The following ARRDC3 variants were observed in gnomAD, a reference collection of about 807,000 sequenced individuals.
The protein encoded by ARRDC3 is arrestin domain-containing protein 3.
ARRDC3 carries 10 observed loss-of-function variants against 47.2 expected under a neutral mutation model. The observed-to-expected ratio is 0.21, with a 90% CI of 0.13 to 0.36. The LOEUF (loss-of-function observed/expected upper bound fraction) is 0.36, where lower values mean the gene tolerates loss of function less well. ARRDC3 is among the 10% of genes least tolerant of loss of function. The probability of loss-of-function intolerance (pLI) is 1.00; values close to 1 mark genes in which losing one functional copy is unlikely to be tolerated. For synonymous variants in ARRDC3, 156 were observed against 178.3 expected (o/e 0.87, Z 1.00); for missense variants, 381 against 503.6 (o/e 0.76, Z 2.33).
intron 6 of ARRDC3, 86 bp from the exon 7 acceptor site, chr5:91,373,924 T>G: frequency 6.4e-7 from 1 of 1,551,240 alleles, no homozygotes; most frequent in Non-Finnish European, 8.8e-7. Context: ...AAAAGCAACG[T>G]CAAGGTAAAA....
Position 91,371,182 on chromosome 5 carries a change from A to G in ARRDC3, c.*218T>C. 5.5e-6 allele frequency: 3 copies of G among 543,472 alleles called. No homozygotes were observed. The highest frequency in any genetic ancestry group is 9.8e-6 in the Non-Finnish European group (3 of 305,878). 33.7% of individuals were successfully genotyped at this position (543,472 alleles called of 1,614,324 possible). ...CTGCTCTGAGTATGTGCCAGTTTTA[A>G]AAGAGAAAAGCTTAGATCTTCAAGC... On this transcript the variant is annotated 3_prime_UTR_variant, in exon 8 of 8. Transcript: ENST00000265138.
Position 91,378,699 on chromosome 5 carries a change from T to C in ARRDC3, c.357A>G (p.Pro119=), listed in dbSNP as rs1163374081. ...CTATTATTTATAATACTTACGTCTG[T>C]GGAAGCTCGAAGCTGAATGCATATT... ...RHEYAFSFEL[P]QTPLATSFEG... Residue 119 remains proline, a synonymous_variant, in exon 2 of 8, where the codon CCA becomes CCG. Transcript: ENST00000265138. 6 of 1,577,656 alleles carry C rather than the reference T, an allele frequency of 3.8e-6. No homozygotes were observed. The highest frequency in any genetic ancestry group is 5.2e-6 in the Non-Finnish European group (6 of 1,155,874).
At chr5:91,381,198 G>C (rs1480601646) in intron 1 of ARRDC3, among the ~76,000 whole-genome samples, 1 of 150,742 alleles carries the variant, frequency 6.6e-6, no homozygotes, top group African/African-American at 2.4e-5. Context: ...ACGCGTTGCA[G>C]GGTTTGGGGG....
chr5:91,375,988 A>G (rs1156472513), intron 3 of ARRDC3, among the ~76,000 whole-genome samples: 1 of 152,192 alleles, frequency 6.6e-6, no homozygotes, highest in South Asian at 2.1e-4. Context: ...CAATCTGATT[A>G]TAATTCCAAA....
rs1327187493 is a variant in ARRDC3 at position 91,370,937 on chromosome 5, A to G, written c.*463T>C. 3 of 151,766 alleles carry G rather than the reference A, an allele frequency of 2.0e-5. No individual in the cohort carries two copies. The highest frequency in any genetic ancestry group is 7.4e-5 in the African/African-American group (3 of 40,632). 9.4% of individuals were successfully genotyped at this position (151,766 alleles called of 1,614,324 possible). Reference sequence around the variant, plus strand: ...GTTTTTTCATGTTAAAGTTTTTTCAAAGCTTTGTTTTGTTCCTTGTTGTGC... The same window carrying G: ...GTTTTTTCATGTTAAAGTTTTTTCAGAGCTTTGTTTTGTTCCTTGTTGTGC... On this transcript the variant is annotated 3_prime_UTR_variant, in exon 8 of 8. Coordinates refer to ENST00000265138, the MANE Select transcript of ARRDC3 (RefSeq NM_020801.4).
chr5:91,377,569 T>C (rs539989989), intron 2 of ARRDC3, among the ~76,000 whole-genome samples: 1 of 107,328 alleles, frequency 9.3e-6, no homozygotes, highest in East Asian at 3.4e-4. Flanking sequence ...GGTGTTTTCA[T>C]AATTTTTTTT....
intron 5 of ARRDC3, among the ~76,000 whole-genome samples, chr5:91,374,717 C>T (rs898270123): frequency 6.6e-5 from 10 of 152,042 alleles, no homozygotes; most frequent in Non-Finnish European, 1.3e-4. Flanking sequence ...AACTCCATCA[C>T]TACAAAAAAT....
At chr5:91,372,775 A>G (rs989114121) in intron 7 of ARRDC3, among the ~76,000 whole-genome samples, 1 of 152,316 alleles carries the variant, frequency 6.6e-6, no homozygotes, top group East Asian at 1.9e-4. Context: ...TTTGGGAGTA[A>G]TATTTCAGAG....
Position 91,383,014 on chromosome 5 carries a change from C to T in ARRDC3, c.79G>A (p.Gly27Arg). ...TTTACCCTTCCTGAGACGGTATCCC[C>T]ACTAGAATACACAGGGACATTGCTG... ...NDSNVPVYSS[G>R]DTVSGRVNLE... The change falls in exon 1 of 8, where the codon GGG becomes AGG. Residue 27 changes from glycine (G) to arginine (R), a missense_variant. Coordinates refer to ENST00000265138, the MANE Select transcript of ARRDC3 (RefSeq NM_020801.4). 6.2e-7 allele frequency: 1 copy of T among 1,613,972 alleles called. No individual in the cohort carries two copies. Among genetic ancestry groups the T allele is most frequent in the Non-Finnish European group, 8.5e-7 (1 of 1,179,894 alleles).
chr5:91,375,896 A>G (rs567011173), intron 3 of ARRDC3, among the ~76,000 whole-genome samples: 43 of 152,288 alleles, frequency 2.8e-4, no homozygotes, highest in Middle Eastern at 6.8e-3. Flanking sequence ...CTATTTACAA[A>G]TATAGTAATC....
chr5:91,376,803 A>G (rs1373172015), intron 2 of ARRDC3, 35 bp from the exon 3 acceptor site: 4 of 1,565,734 alleles, frequency 2.6e-6, no homozygotes, highest in African/African-American at 1.4e-5. Flanking sequence ...TATTAATTTT[A>G]TACCTCTTTC....
At chr5:91,379,569 G>C (rs1016558021) in intron 1 of ARRDC3, among the ~76,000 whole-genome samples, 3 of 151,862 alleles carry the variant, frequency 2.0e-5, no homozygotes, top group Non-Finnish European at 4.4e-5. Flanking sequence ...ATAAAAAAGG[G>C]ATGACCTTTC....
rs1247236657 is a variant in ARRDC3 at position 91,375,196 on chromosome 5, T to C, written c.614-18A>G. 3 of 1,605,614 alleles carry C rather than the reference T, an allele frequency of 1.9e-6. No homozygotes were observed. The highest frequency in any genetic ancestry group is 1.1e-5 in the South Asian group (1 of 90,824). On this transcript the variant is annotated intron_variant, in intron 4 of 7. Coordinates refer to ENST00000265138, the MANE Select transcript of ARRDC3 (RefSeq NM_020801.4). ...TGATTCACCTAGAGAGGGAAAAATA[T>C]ATACATATCTACTGTTAGAAAAAAA...
chr5:91,376,286 T>C (rs1374484965), intron 3 of ARRDC3, among the ~76,000 whole-genome samples: 1 of 152,206 alleles, frequency 6.6e-6, no homozygotes, highest in East Asian at 1.9e-4. Context: ...TATTGTATTA[T>C]AATAAAAGAT....
At chr5:91,378,222 A>C (rs1799350921) in intron 2 of ARRDC3, among the ~76,000 whole-genome samples, 1 of 152,104 alleles carries the variant, frequency 6.6e-6, no homozygotes, top group Admixed American at 6.5e-5. Context: ...CAGAAGAAAA[A>C]CATTTCTAAA....
intron 4 of ARRDC3, 23 bp from the exon 5 acceptor site, chr5:91,375,201 A>G (rs764139032): frequency 2.5e-5 from 40 of 1,585,198 alleles, no homozygotes; most frequent in African/African-American, 5.4e-5. Flanking sequence ...AAATATATAC[A>G]TATCTACTGT....
Position 91,382,879 on chromosome 5 carries a change from T to C in ARRDC3, c.214A>G (p.Thr72Ala). ...SRNAGSNTAY[T>A]QNYTEEVEYF... ...TCTACTTCTTCAGTGTAATTCTGTG[T>C]ATAGGCAGTATTGGAGCCGGCGTTT... Residue 72 changes from threonine to alanine, a missense_variant, in exon 1 of 8, where the codon ACA becomes GCA. Transcript: ENST00000265138. 6.2e-7 allele frequency: 1 copy of C among 1,614,132 alleles called. No homozygotes were observed. The highest frequency in any genetic ancestry group is 8.5e-7 in the Non-Finnish European group (1 of 1,179,992).
At chr5:91,375,844 G>A (rs1799288686) in intron 3 of ARRDC3, among the ~76,000 whole-genome samples, 1 of 150,812 alleles carries the variant, frequency 6.6e-6, no homozygotes, top group African/African-American at 2.4e-5. Flanking sequence ...AAAAGGTAAA[G>A]GGTTTACAGC....
intron 6 of ARRDC3, 25 bp downstream of exon 6, chr5:91,374,089 G>A (rs201768181): frequency 9.1e-5 from 147 of 1,606,778 alleles, no homozygotes; most frequent in Non-Finnish European, 1.2e-4. Context: ...AAGAGATTAA[G>A]CTTAGACGTG....
Sources: allele counts gnomAD v4.1 joint callset (sites outside exome capture counted in the v4.1 genomes callset), GRCh38; gene constraint gnomAD v4.1.1; transcripts MANE v1.5; gene names NCBI Gene and HGNC (gene_info 2026-07-23, HGNC 2026-07-21).